Variants in ROBO2 observed in about 807,000 individuals in gnomAD.
The protein encoded by ROBO2 is roundabout homolog 2.
A neutral mutation model predicts 160.8 loss-of-function variants in ROBO2; 53 were observed. The ratio of observed to expected loss-of-function variants is 0.33; its 90% CI spans 0.26 to 0.41. The LOEUF (loss-of-function observed/expected upper bound fraction) is 0.41, where lower values mean the gene tolerates loss of function less well. Ranked by LOEUF, ROBO2 falls within the 10% of genes least tolerant of loss-of-function variation. The probability of loss-of-function intolerance (pLI) is 1.00; values close to 1 mark genes in which losing one functional copy is unlikely to be tolerated. For missense variants in ROBO2, 1,577 were observed against 1,722.4 expected, an observed-to-expected ratio of 0.92 and a Z score of 1.49; for synonymous variants, 664 against 611.7, an observed-to-expected ratio of 1.09 and a Z score of -1.26.
At chr3:76,066,808 A>G (rs950496376) in intron 2 of ROBO2, among the ~76,000 whole-genome samples, 12 of 151,890 alleles carry the variant, frequency 7.9e-5, no homozygotes, top group African/African-American at 2.9e-4. Flanking sequence ...TTAAGAATTT[A>G]AGAAATAATA....
chr3:76,226,822 A>G (rs553277726), intron 2 of ROBO2, among the ~76,000 whole-genome samples: 35 of 152,206 alleles, frequency 2.3e-4, no homozygotes, highest in Non-Finnish European at 4.4e-4. Context: ...ATGTTTCTAT[A>G]GCATTAGGGT....
chr3:77,206,139 C>G (rs1475714947), intron 2 of ROBO2, among the ~76,000 whole-genome samples: 2 of 151,844 alleles, frequency 1.3e-5, no homozygotes, highest in African/African-American at 4.8e-5. Flanking sequence ...GGTGCTCTTC[C>G]TGCATCTCTC....
chr3:76,587,446 A>G (rs898829196), intron 2 of ROBO2, among the ~76,000 whole-genome samples: 9 of 152,148 alleles, frequency 5.9e-5, no homozygotes, highest in African/African-American at 1.4e-4. Flanking sequence ...GAAACTTACA[A>G]TTGTGGTGGA....
chr3:77,086,109 C>T (rs1283339690), intron 1 of ROBO2, among the ~76,000 whole-genome samples: 1 of 151,980 alleles, frequency 6.6e-6, no homozygotes, highest in Non-Finnish European at 1.5e-5. Context: ...TAGAGGGACA[C>T]AGAGTTATTA....
rs184990348 is a variant in ROBO2 at position 76,663,385 on chromosome 3, C to T, written c.110-434629C>T. 3.3e-5 allele frequency among the ~76,000 whole-genome samples: 5 copies of T among 152,276 alleles called. No individual in the cohort carries two copies. In the East Asian group the frequency reaches 5.8e-4, roughly 18 times the overall value. ...CTCTGGGCTGCAGAATACATTTTGC[C>T]GTCCTTACTGAAGGGGGAGCAGTAA... is the stretch of plus-strand genomic sequence containing the variant. On this transcript the variant is annotated intron_variant, in intron 2 of 26. Coordinates refer to the ROBO2 transcript ENST00000487694.
At chr3:76,462,350 G>A (rs1044584262) in intron 2 of ROBO2, among the ~76,000 whole-genome samples, 14 of 152,122 alleles carry the variant, frequency 9.2e-5, no homozygotes, top group East Asian at 1.9e-4. Flanking sequence ...ACATTCGAGC[G>A]ATTTTTTGAT....
chr3:77,116,157 A>G (rs2150223348), intron 2 of ROBO2, among the ~76,000 whole-genome samples: 1 of 152,328 alleles, frequency 6.6e-6, no homozygotes, highest in East Asian at 1.9e-4. Context: ...GTTTGTGGTC[A>G]GCGTAGTGCG....
At chr3:77,543,743 T>C (rs1391139968) in intron 6 of ROBO2, among the ~76,000 whole-genome samples, 2 of 151,168 alleles carry the variant, frequency 1.3e-5, no homozygotes, top group East Asian at 3.9e-4. Flanking sequence ...TCAGTTAATA[T>C]ATTTTAAAAG....
At chr3:76,806,950 A>G (rs766869472) in intron 2 of ROBO2, among the ~76,000 whole-genome samples, 2 of 152,062 alleles carry the variant, frequency 1.3e-5, no homozygotes, top group Non-Finnish European at 2.9e-5. Flanking sequence ...TGATTTGTGG[A>G]CAAGTTTTTA....
chr3:76,579,911 T>C (rs1465809935), intron 2 of ROBO2, among the ~76,000 whole-genome samples: 1 of 152,152 alleles, frequency 6.6e-6, no homozygotes, highest in Non-Finnish European at 1.5e-5. Context: ...AACATGTCAT[T>C]CGACACTCAA....
chr3:77,546,165 G>A (rs1339819271), intron 6 of ROBO2, among the ~76,000 whole-genome samples, 173 bp from the exon 8 acceptor site: 1 of 152,010 alleles, frequency 6.6e-6, no homozygotes, highest in African/African-American at 2.4e-5. Context: ...TCCTCACATT[G>A]GATTGAATAT....
intron 2 of ROBO2, among the ~76,000 whole-genome samples, chr3:76,867,117 A>G (rs554054018): frequency 6.6e-6 from 1 of 152,168 alleles, no homozygotes; most frequent in Non-Finnish European, 1.5e-5. Context: ...AAGTGTTTAC[A>G]TGTTGGGAGA....
chr3:76,332,764 A>G (rs903797945), intron 2 of ROBO2, among the ~76,000 whole-genome samples: 1 of 152,226 alleles, frequency 6.6e-6, no homozygotes, highest in African/African-American at 2.4e-5. Flanking sequence ...TTTCCTTCAA[A>G]ATATATTTAG....
intron 2 of ROBO2, among the ~76,000 whole-genome samples, chr3:76,897,564 C>A (rs1435638348): frequency 1.3e-5 from 2 of 152,050 alleles, no homozygotes; most frequent in Non-Finnish European, 2.9e-5. Context: ...TATAAAGTGA[C>A]AAGTACTAGG....
At chr3:76,803,570 A>G (rs2064421101) in intron 2 of ROBO2, among the ~76,000 whole-genome samples, 1 of 152,204 alleles carries the variant, frequency 6.6e-6, no homozygotes, top group Non-Finnish European at 1.5e-5. Flanking sequence ...AGAGGAAAAA[A>G]AACACACAGA....
rs2076941726 is a variant in ROBO2 at position 77,144,157 on chromosome 3, C to A, written c.388+45817C>A. On this transcript the variant is annotated intron_variant, in intron 2 of 25. Transcript: ENST00000461745. ...CACTTACAGTAATGTTTATTTCTAACTTTGTGGCTTATCTGACTTGTTTAA... is the reference window on the plus strand; with the variant it reads ...CACTTACAGTAATGTTTATTTCTAAATTTGTGGCTTATCTGACTTGTTTAA... Among the ~76,000 whole-genome samples, 4 of 152,150 alleles carry A rather than the reference C, an allele frequency of 2.6e-5. No individual in the cohort carries two copies. In the South Asian group the frequency reaches 8.3e-4, roughly 32 times the overall value.
intron 2 of ROBO2, among the ~76,000 whole-genome samples, chr3:76,299,128 T>C (rs1161168179): frequency 6.6e-6 from 1 of 152,206 alleles, no homozygotes; most frequent in Non-Finnish European, 1.5e-5. Context: ...GCTCACATTG[T>C]ATTCGGAGAG....
At chr3:77,375,854 A>T (rs529893243) in intron 2 of ROBO2, among the ~76,000 whole-genome samples, 1 of 149,434 alleles carries the variant, frequency 6.7e-6, no homozygotes, top group Admixed American at 6.7e-5. Flanking sequence ...CATAGAAAAA[A>T]TAGTACTGAA....
chr3:77,261,232 A>G (rs1347689868), intron 2 of ROBO2, among the ~76,000 whole-genome samples: 1 of 152,068 alleles, frequency 6.6e-6, no homozygotes, highest in African/African-American at 2.4e-5. Context: ...GCATGCCTGG[A>G]CCAAAATGGC....
Sources: allele counts gnomAD v4.1 joint callset (sites outside exome capture counted in the v4.1 genomes callset), GRCh38; gene constraint gnomAD v4.1.1; transcripts MANE v1.5; gene names NCBI Gene and HGNC (gene_info 2026-07-23, HGNC 2026-07-21).